Variants in UNC13B observed in about 807,000 individuals in gnomAD.
UNC13B encodes protein unc-13 homolog B.
Under a neutral mutation model 211.0 loss-of-function variants are expected in UNC13B, and 144 were observed. The observed-to-expected ratio is 0.68, with a 90% CI of 0.60 to 0.78. The LOEUF is 0.78. UNC13B is among the 30% of genes least tolerant of loss of function. The probability of loss-of-function intolerance (pLI) is 0.00; values close to 1 mark genes in which losing one functional copy is unlikely to be tolerated. For missense variants in UNC13B, 1,777 were observed against 2,002.0 expected (o/e 0.89, Z 2.14); for synonymous variants, 709 against 725.8 (o/e 0.98, Z 0.37).
chr9:35,312,110 C>A (rs1830208304), intron 10 of UNC13B, among the ~76,000 whole-genome samples: 1 of 152,286 alleles, frequency 6.6e-6, no homozygotes, highest in South Asian at 2.1e-4. Context: ...TGACAGATTT[C>A]CCCTGGCGGG....
In UNC13B at chr9:35,355,599, GCACTTTCTATTCTTAATACATT is replaced by G. The variant is rs1164887966; in HGVS notation, c.9415-11345_9415-11324del. On this transcript the variant is annotated intron_variant, in intron 11 of 39. Transcript: ENST00000635942. Reference sequence around the variant, plus strand: ...CTTTGCTGTCATACAAATTTGCCTTGCACTTTCTATTCTTAATACATTCATATATACATGCTTCCTTCTAACA... The same window carrying G: ...CTTTGCTGTCATACAAATTTGCCTTGCATATATACATGCTTCCTTCTAACA... Among the ~76,000 whole-genome samples the G allele has an allele frequency of 2.0e-5, 3 of 152,248 alleles. No homozygotes were observed. In the East Asian group the frequency reaches 5.8e-4, roughly 29 times the overall value.
At chr9:35,162,929 T>C (rs1019123489) in intron 1 of UNC13B, among the ~76,000 whole-genome samples, 9 of 152,186 alleles carry the variant, frequency 5.9e-5, no homozygotes, top group African/African-American at 2.2e-4. Context: ...AGGGCCATTA[T>C]TGCTTTTCCC....
rs148598097 is a variant in UNC13B, at chr9:35,382,366, A to G, written c.10665A>G (p.Ala3555=). ...GTGCTGTGTTTTTCAGGCACTTTGC[A>G]TGTTTATCATCCAAGTACATGTGTC... is the stretch of plus-strand genomic sequence containing the variant. The part of the protein sequence containing the change: ...ESIYQAMTHF[A]CLSSKYMCPG... Residue 3555 remains alanine, a synonymous_variant, in exon 21 of 40, where the codon GCA becomes GCG. Transcript: ENST00000635942. 94 of 1,611,650 alleles carry G rather than the reference A, an allele frequency of 5.8e-5. No homozygotes were observed. Among genetic ancestry groups the G allele is most frequent in the Non-Finnish European group, 7.0e-5 (83 of 1,179,344 alleles).
chr9:35,259,299 T>G (rs1478957847), intron 7 of UNC13B, among the ~76,000 whole-genome samples: 1 of 152,048 alleles, frequency 6.6e-6, no homozygotes, highest in East Asian at 1.9e-4. Context: ...CTTCTACCCC[T>G]GGAGGAATGA....
At chr9:35,396,442 TG>T in intron 26 of UNC13B, 33 bp from the exon 27 acceptor site, 1 of 1,613,338 alleles carries the variant, frequency 6.2e-7, no homozygotes, top group Non-Finnish European at 8.5e-7. Flanking sequence ...CCTCTACTGC[TG>T]GGACCTGACC....
intron 6 of UNC13B, among the ~76,000 whole-genome samples, chr9:35,254,239 A>G (rs1403859624): frequency 6.6e-6 from 1 of 152,224 alleles, no homozygotes; most frequent in African/African-American, 2.4e-5. Context: ...TTGGATTGCT[A>G]TAACAATGCA....
chr9:35,236,473 A>AT lies in UNC13B; in HGVS notation c.159dup (p.Ser54Ter). On this transcript the variant is annotated frameshift_variant, in exon 4 of 40. Coordinates refer to ENST00000635942, the MANE Select transcript of UNC13B (RefSeq NM_001371189.2). LOFTEE classifies it high-confidence loss of function. Reference sequence around the variant, plus strand: ...GGGCTTTCCTCTTTCCCTTAGTGAGATTAGTCGCCTGGACCTGGGTCTAAG... The same window carrying AT: ...GGGCTTTCCTCTTTCCCTTAGTGAGATTTAGTCGCCTGGACCTGGGTCTAAG... The AT allele has an allele frequency of 6.2e-7, 1 of 1,613,790 alleles. No homozygotes were observed. The highest frequency in any genetic ancestry group is 8.5e-7 in the Non-Finnish European group (1 of 1,179,754).
chr9:35,192,094 T>G (rs774430751), intron 1 of UNC13B, among the ~76,000 whole-genome samples: 21 of 152,330 alleles, frequency 1.4e-4, no homozygotes, highest in Admixed American at 8.5e-4. Flanking sequence ...TTTGCCCACA[T>G]GTCAGGCTTC....
chr9:35,299,334 C>A (rs1316092261), intron 8 of UNC13B, among the ~76,000 whole-genome samples: 2 of 151,982 alleles, frequency 1.3e-5, no homozygotes, highest in Non-Finnish European at 2.9e-5. Context: ...GTATTTTTTT[C>A]TTATTAAAAG....
intron 11 of UNC13B, among the ~76,000 whole-genome samples, chr9:35,318,916 A>C (rs553424840): frequency 6.9e-4 from 105 of 152,302 alleles, no homozygotes; most frequent in Non-Finnish European, 1.4e-3. Context: ...TTCTCTCTGC[A>C]ATCCAGGCTG....
chr9:35,185,388 C>T (rs907666947), intron 1 of UNC13B, among the ~76,000 whole-genome samples: 1 of 152,200 alleles, frequency 6.6e-6, no homozygotes, highest in Non-Finnish European at 1.5e-5. Flanking sequence ...CTTTGGTACA[C>T]TAGAAAATGG....
Position 35,399,683 on chromosome 9 carries a change from C to T in UNC13B, c.12290C>T (p.Thr4097Ile). Residue 4097 changes from threonine (T) to isoleucine (I), a missense_variant, in exon 36 of 40, where the codon ACT becomes ATT. Coordinates refer to ENST00000635942, the MANE Select transcript of UNC13B (RefSeq NM_001371189.2). ...HMVREETRNL[T>I]PKQCAVLDLA... ...GTACGAGAGGAAACACGGAATCTCA[C>T]TCCAAAGCAGTGTGCAGTCCTTGAC... The T allele has an allele frequency of 6.2e-7, 1 of 1,614,140 alleles. No homozygotes were observed. Among genetic ancestry groups the T allele is most frequent in the African/African-American group, 1.3e-5 (1 of 75,010 alleles).
chr9:35,376,219 G>A lies in UNC13B; in HGVS notation c.9807G>A (p.Gln3269=). The stretch of plus-strand genomic sequence containing the variant: ...GAGTCAAGTGCCATGAGAAGTGCCA[G>A]GATCTGCTCAATGCTGACTGCCTGC... ...ECGVKCHEKC[Q]DLLNADCLQR... Residue 3269 remains glutamine (Q), a synonymous_variant, in exon 15 of 40, where the codon CAG becomes CAA. Transcript: ENST00000635942. The A allele has an allele frequency of 1.9e-6, 3 of 1,613,996 alleles. No homozygotes were observed. The highest frequency in any genetic ancestry group is 2.5e-6 in the Non-Finnish European group (3 of 1,180,024).
chr9:35,335,994 C>T (rs949214190), intron 11 of UNC13B, among the ~76,000 whole-genome samples: 7 of 152,122 alleles, frequency 4.6e-5, no homozygotes, highest in African/African-American at 9.7e-5. Context: ...TGAGTCACTG[C>T]GCCTGGCCCC....
chr9:35,222,965 C>A (rs1824643387), intron 1 of UNC13B, among the ~76,000 whole-genome samples: 1 of 152,148 alleles, frequency 6.6e-6, no homozygotes, highest in Admixed American at 6.6e-5. Context: ...CTTTCTGTGC[C>A]TAGCTTATTT....
chr9:35,273,694 C>A (rs1030114294), intron 7 of UNC13B, among the ~76,000 whole-genome samples: 1 of 152,062 alleles, frequency 6.6e-6, no homozygotes, highest in African/African-American at 2.4e-5. Context: ...TGGTATAATC[C>A]CCAACTAAAA....
intron 1 of UNC13B, among the ~76,000 whole-genome samples, chr9:35,221,707 C>G (rs1475294629): frequency 6.6e-6 from 1 of 152,118 alleles, no homozygotes; most frequent in Non-Finnish European, 1.5e-5. Flanking sequence ...ATTTTGCATA[C>G]AATTTAAGAA....
chr9:35,282,761 T>G (rs1828575820), intron 7 of UNC13B, among the ~76,000 whole-genome samples: 1 of 152,140 alleles, frequency 6.6e-6, no homozygotes, highest in South Asian at 2.1e-4. Context: ...TTTTATTCTA[T>G]GGGTTCCCCC....
In UNC13B at chr9:35,162,250, T is replaced by TGGGGCGCGGCA. The variant is rs1447897212; in HGVS notation, c.-32_-22dup. 2 of 1,542,434 alleles carry TGGGGCGCGGCA rather than the reference T, an allele frequency of 1.3e-6. No homozygotes were observed. Among genetic ancestry groups the TGGGGCGCGGCA allele is most frequent in the Admixed American group, 2.0e-5 (1 of 51,102 alleles). ...GAAAGAGGGAGCGGTCCGGCGCGGC[T>TGGGGCGCGGCA]GGGGCGCGGCAGAGGCTTGCCCGAT... is the stretch of plus-strand genomic sequence containing the variant. On this transcript the variant is annotated 5_prime_UTR_variant, in exon 1 of 40. Coordinates refer to ENST00000635942, the MANE Select transcript of UNC13B (RefSeq NM_001371189.2).
Sources: gnomAD v4.1 joint callset for allele counts (sites outside exome capture counted in the v4.1 genomes callset) on GRCh38, gnomAD v4.1.1 for gene constraint, MANE v1.5 for transcripts, NCBI Gene and HGNC (gene_info 2026-07-23, HGNC 2026-07-21) for gene names.